Variants in TMEM132D observed in about 807,000 individuals in gnomAD.
The protein encoded by TMEM132D is mature OL transmembrane protein.
TMEM132D carries 21 observed loss-of-function variants against 62.3 expected under a neutral mutation model. The observed-to-expected ratio is 0.34, with a 90% CI of 0.24 to 0.49. The LOEUF is 0.49. Among genes scored for constraint, TMEM132D ranks in the 20% least tolerant of loss-of-function variants. TMEM132D has a pLI of 0.99. For synonymous variants in TMEM132D, 621 were observed against 575.6 expected, an observed-to-expected ratio of 1.08 and a Z score of -1.13; for missense variants, 1,346 against 1,402.8, an observed-to-expected ratio of 0.96 and a Z score of 0.65.
intron 1 of TMEM132D, among the ~76,000 whole-genome samples, chr12:129,712,954 C>A (rs565142822): frequency 6.6e-6 from 1 of 152,210 alleles, no homozygotes; most frequent in Admixed American, 6.5e-5. Context: ...ATCATGGGAG[C>A]CTGGATGCTT....
chr12:129,806,531 T>C (rs1229038080), intron 1 of TMEM132D, among the ~76,000 whole-genome samples: 1 of 117,874 alleles, frequency 8.5e-6, no homozygotes, highest in Non-Finnish European at 1.7e-5. Context: ...CATCACACTC[T>C]GGGGACTGTT....
At chr12:129,432,856 A>G (rs1872698865) in intron 3 of TMEM132D, among the ~76,000 whole-genome samples, 1 of 152,200 alleles carries the variant, frequency 6.6e-6, no homozygotes, top group Middle Eastern at 3.2e-3. Context: ...AAGGTGAACA[A>G]TGTTACAGAT....
At chr12:129,746,578 TTCTC>T (rs1869785926) in intron 1 of TMEM132D, among the ~76,000 whole-genome samples, 1 of 152,156 alleles carries the variant, frequency 6.6e-6, no homozygotes, top group African/African-American at 2.4e-5. Flanking sequence ...TGTTCTATTT[TTCTC>T]TCTCTCAGCA....
chr12:129,673,997 C>A (rs952358432), intron 2 of TMEM132D, among the ~76,000 whole-genome samples: 1 of 152,102 alleles, frequency 6.6e-6, no homozygotes, highest in African/African-American at 2.4e-5. Context: ...ACAGAGAAAA[C>A]CCCCGCTGAC....
chr12:129,749,463 C>T (rs1294301866), intron 1 of TMEM132D, among the ~76,000 whole-genome samples: 2 of 143,346 alleles, frequency 1.4e-5, no homozygotes, highest in Admixed American at 7.0e-5. Context: ...TGAAAAGAAT[C>T]TTTTTTTTTT....
chr12:129,344,588 C>G (rs1211141444), intron 3 of TMEM132D, among the ~76,000 whole-genome samples: 1 of 152,130 alleles, frequency 6.6e-6, no homozygotes, highest in East Asian at 1.9e-4. Context: ...TAGGAGCTGA[C>G]TTAGTTGCTT....
At chr12:129,280,879 TA>T (rs1593321693) in intron 4 of TMEM132D, among the ~76,000 whole-genome samples, 1 of 152,114 alleles carries the variant, frequency 6.6e-6, no homozygotes, top group Non-Finnish European at 1.5e-5. Flanking sequence ...CAGAGAAACT[TA>T]ATACAGGATT....
chr12:129,294,899 A>G (rs1245926944), intron 4 of TMEM132D, among the ~76,000 whole-genome samples: 1 of 152,180 alleles, frequency 6.6e-6, no homozygotes. Context: ...TTGATAAATA[A>G]TCATTTCCTA....
rs564158112 is a variant in TMEM132D at position 129,375,709 on chromosome 12, C to A, written c.1116-37892G>T. Among the ~76,000 whole-genome samples the A allele has an allele frequency of 2.0e-5, 3 of 152,236 alleles. No homozygotes were observed. In the South Asian group the frequency reaches 6.2e-4, roughly 32 times the overall value. On this transcript the variant is annotated intron_variant, in intron 3 of 8. Coordinates refer to ENST00000422113, the MANE Select transcript of TMEM132D (RefSeq NM_133448.3). ...CATCAGAACATACAGCAAATATATA[C>A]CATGACTCAGCCTGGGTCTCCATCC...
At chr12:129,874,533 G>A (rs1593194948) in intron 1 of TMEM132D, among the ~76,000 whole-genome samples, 1 of 147,418 alleles carries the variant, frequency 6.8e-6, no homozygotes, top group South Asian at 2.2e-4. Flanking sequence ...AAATCATCAT[G>A]TCATCCTCTT....
At chr12:129,682,623 G>A (rs1880806783) in intron 2 of TMEM132D, among the ~76,000 whole-genome samples, 1 of 152,024 alleles carries the variant, frequency 6.6e-6, no homozygotes, top group South Asian at 2.1e-4. Flanking sequence ...TTGTTGGGAG[G>A]CTGAAGTGGG....
chr12:129,517,028 C>T (rs1875703049), intron 3 of TMEM132D, among the ~76,000 whole-genome samples: 1 of 152,150 alleles, frequency 6.6e-6, no homozygotes, highest in Admixed American at 6.5e-5. Flanking sequence ...ACATGGGACC[C>T]ATCAGATTAG....
intron 3 of TMEM132D, among the ~76,000 whole-genome samples, chr12:129,419,103 C>T (rs527786958): frequency 1.2e-4 from 18 of 152,174 alleles, no homozygotes; most frequent in Non-Finnish European, 2.5e-4. Context: ...CTTTTCCCAC[C>T]CAGTTTGTGG....
At chr12:129,817,934 G>A (rs1309717075) in intron 1 of TMEM132D, among the ~76,000 whole-genome samples, 1 of 147,810 alleles carries the variant, frequency 6.8e-6, no homozygotes, top group Non-Finnish European at 1.5e-5. Flanking sequence ...TATGTGGTTT[G>A]GAGTGTGTGT....
chr12:129,720,507 T>G (rs181576634), intron 1 of TMEM132D, among the ~76,000 whole-genome samples: 8 of 152,334 alleles, frequency 5.3e-5, no homozygotes, highest in Admixed American at 5.2e-4. Context: ...TGAATTACTT[T>G]CAAAGGCAGC....
chr12:129,521,443 A>T (rs917608218), intron 3 of TMEM132D: 4 of 152,190 alleles, frequency 2.6e-5, no homozygotes, highest in African/African-American at 9.7e-5. Flanking sequence ...AGAGCTTTTA[A>T]ATGGAAGTTA....
chr12:129,232,818 A>G (rs745609647), intron 4 of TMEM132D, among the ~76,000 whole-genome samples: 1 of 151,324 alleles, frequency 6.6e-6, no homozygotes, highest in Non-Finnish European at 1.5e-5. Flanking sequence ...ATGGCAGGAG[A>G]GAGAGAGATA....
At chr12:129,457,653 G>A (rs1217776713) in intron 3 of TMEM132D, among the ~76,000 whole-genome samples, 1 of 152,124 alleles carries the variant, frequency 6.6e-6, no homozygotes, top group Non-Finnish European at 1.5e-5. Flanking sequence ...TGTGAAGCAT[G>A]GCTGGGAGGC....
chr12:129,211,104 G>C (rs1879032801), intron 4 of TMEM132D: 1 of 152,166 alleles, frequency 6.6e-6, no homozygotes, highest in African/African-American at 2.4e-5. Flanking sequence ...CAAAAACGTA[G>C]AAGTCCCAAT....
Sources: gnomAD v4.1 joint callset for allele counts (sites outside exome capture counted in the v4.1 genomes callset) on GRCh38, gnomAD v4.1.1 for gene constraint, MANE v1.5 for transcripts, NCBI Gene and HGNC (gene_info 2026-07-23, HGNC 2026-07-21) for gene names.